Variants in DLGAP2 observed in about 807,000 individuals in gnomAD.
DLGAP2 encodes disks large-associated protein 2.
A neutral mutation model predicts 100.3 loss-of-function variants in DLGAP2; 26 were observed. The observed-to-expected ratio is 0.26, with a 90% CI of 0.19 to 0.36. DLGAP2 has a LOEUF of 0.36. Among genes scored for constraint, DLGAP2 ranks in the 10% least tolerant of loss-of-function variants. The pLI is 1.00. For missense variants in DLGAP2, 1,858 were observed against 1,453.2 expected (o/e 1.28, Z -4.53); for synonymous variants, 886 against 630.1 (o/e 1.41, Z -6.08).
At chr8:810,054 C>T (rs1207840883) in intron 1 of DLGAP2, among the ~76,000 whole-genome samples, 8 of 152,210 alleles carry the variant, frequency 5.3e-5, no homozygotes, top group East Asian at 1.9e-4. Flanking sequence ...CCCATCAGCA[C>T]GACTGGGGGT....
At chr8:1,364,517 G>A (rs571431033) in intron 3 of DLGAP2, among the ~76,000 whole-genome samples, 25 of 150,120 alleles carry the variant, frequency 1.7e-4, no homozygotes, top group Non-Finnish European at 2.4e-4. Flanking sequence ...GGGGTGCAGC[G>A]AAGCAGACAC....
At chr8:1,254,410 A>G (rs1421687177) in intron 2 of DLGAP2, among the ~76,000 whole-genome samples, 1 of 152,016 alleles carries the variant, frequency 6.6e-6, no homozygotes, top group Non-Finnish European at 1.5e-5. Context: ...TGTCATGCCA[A>G]GGTCTCAGTG....
At chr8:1,439,246 C>A (rs142861292) in intron 3 of DLGAP2, among the ~76,000 whole-genome samples, 1 of 152,186 alleles carries the variant, frequency 6.6e-6, no homozygotes, top group African/African-American at 2.4e-5. Flanking sequence ...CAGGACTGAA[C>A]AGCACGTGGC....
At chr8:1,235,544 C>A (rs1468893286) in intron 2 of DLGAP2, among the ~76,000 whole-genome samples, 2 of 24,420 alleles carry the variant, frequency 8.2e-5, no homozygotes, top group African/African-American at 1.9e-4. Flanking sequence ...CTAGTTCTCT[C>A]ACATGGCGCC....
chr8:810,572 A>G (rs1455267856), intron 1 of DLGAP2, among the ~76,000 whole-genome samples: 1 of 152,260 alleles, frequency 6.6e-6, no homozygotes, highest in African/African-American at 2.4e-5. Context: ...TTTATGAGAC[A>G]TGCTGTGCTG....
At chr8:1,002,551 C>G (rs1013800125) in intron 2 of DLGAP2, 4 of 152,240 alleles carry the variant, frequency 2.6e-5, no homozygotes, top group Admixed American at 1.3e-4. Flanking sequence ...CTTGTTTGGC[C>G]TCCCCTCCTG....
intron 2 of DLGAP2, among the ~76,000 whole-genome samples, chr8:1,126,368 G>A (rs1796165122): frequency 6.6e-6 from 1 of 150,894 alleles, no homozygotes; most frequent in Non-Finnish European, 1.5e-5. Flanking sequence ...AGGCAGGGGA[G>A]AGAAGAGACA....
chr8:1,484,079 A>T (rs1799177697), intron 3 of DLGAP2, among the ~76,000 whole-genome samples: 1 of 152,240 alleles, frequency 6.6e-6, no homozygotes, highest in African/African-American at 2.4e-5. Flanking sequence ...GAAGAAAGAC[A>T]AAGCCGGCTT....
At chr8:1,275,713 G>GAT (rs1799669059) in intron 3 of DLGAP2, among the ~76,000 whole-genome samples, 1 of 84,438 alleles carries the variant, frequency 1.2e-5, no homozygotes, top group African/African-American at 4.0e-5. Flanking sequence ...GAGCTAATAG[G>GAT]ACATATATAT....
chr8:1,162,626 T>A (rs1796913713), intron 2 of DLGAP2, among the ~76,000 whole-genome samples: 1 of 152,240 alleles, frequency 6.6e-6, no homozygotes, highest in Non-Finnish European at 1.5e-5. Flanking sequence ...TGAAGTTCCA[T>A]CTTAGGGCTT....
At chr8:888,870 G>T (rs1797977234) in intron 1 of DLGAP2, among the ~76,000 whole-genome samples, 1 of 152,254 alleles carries the variant, frequency 6.6e-6, no homozygotes, top group South Asian at 2.1e-4. Context: ...TGCACGAGGA[G>T]CAGGTTTCAT....
intron 3 of DLGAP2, among the ~76,000 whole-genome samples, chr8:1,370,792 G>A (rs1374790748): frequency 6.6e-6 from 1 of 152,168 alleles, no homozygotes; most frequent in South Asian, 2.1e-4. Context: ...GCCTGGCCTG[G>A]GGCAAGTTCC....
intron 2 of DLGAP2, among the ~76,000 whole-genome samples, chr8:1,140,192 G>C (rs1228426503): frequency 6.6e-6 from 1 of 152,134 alleles, no homozygotes; most frequent in Non-Finnish European, 1.5e-5. Context: ...GTGCGACCAG[G>C]GTGACATGAA....
chr8:1,421,164 C>T (rs1176912091), intron 3 of DLGAP2, among the ~76,000 whole-genome samples: 1 of 152,176 alleles, frequency 6.6e-6, no homozygotes, highest in African/African-American at 2.4e-5. Flanking sequence ...TCATAATAAA[C>T]AGGAAGCCGA....
chr8:1,342,181 A>C (rs1292190004), intron 3 of DLGAP2, among the ~76,000 whole-genome samples: 1 of 151,974 alleles, frequency 6.6e-6, no homozygotes, highest in African/African-American at 2.4e-5. Flanking sequence ...ACCTGGTCTC[A>C]AGCAATCGGC....
At chr8:1,070,483 G>A (rs1803393022) in intron 2 of DLGAP2, among the ~76,000 whole-genome samples, 1 of 152,156 alleles carries the variant, frequency 6.6e-6, no homozygotes, top group African/African-American at 2.4e-5. Context: ...CAAAATGTGT[G>A]GTGAAAACAC....
chr8:979,997 C>T lies in DLGAP2; in HGVS notation c.73+72031C>T, dbSNP rs1371539166. On this transcript the variant is annotated intron_variant, in intron 2 of 14. Coordinates refer to ENST00000637795, the MANE Select transcript of DLGAP2 (RefSeq NM_001346810.2). The stretch of plus-strand genomic sequence containing the variant: ...GCTGCTAAGGGGAGATGTCTGTCTG[C>T]AACCTCTAGGACTTGGCAACTGTTC... Among the ~76,000 whole-genome samples the T allele has an allele frequency of 3.9e-5, 6 of 152,176 alleles. No individual in the cohort carries two copies. In the East Asian group the frequency reaches 1.2e-3, roughly 29 times the overall value.
At chr8:1,479,273 G>A (rs1417917778) in intron 3 of DLGAP2, among the ~76,000 whole-genome samples, 1 of 152,224 alleles carries the variant, frequency 6.6e-6, no homozygotes, top group Non-Finnish European at 1.5e-5. Context: ...AACCAGGCGG[G>A]GATTGGGGGC....
At chr8:1,674,900 A>C (rs1407446202) in intron 10 of DLGAP2, among the ~76,000 whole-genome samples, 1 of 152,256 alleles carries the variant, frequency 6.6e-6, no homozygotes, top group Non-Finnish European at 1.5e-5. Context: ...TAAATGTATT[A>C]ATTGTATTAC....
Sources: gnomAD v4.1 joint callset for allele counts (sites outside exome capture counted in the v4.1 genomes callset) on GRCh38, gnomAD v4.1.1 for gene constraint, MANE v1.5 for transcripts, NCBI Gene and HGNC (gene_info 2026-07-23, HGNC 2026-07-21) for gene names.